Variants in AP1M1 observed in about 807,000 individuals in gnomAD.
AP1M1 encodes AP-1 complex subunit mu-1.
A neutral mutation model predicts 57.1 loss-of-function variants in AP1M1; 18 were observed. The ratio of observed to expected loss-of-function variants is 0.32; its 90% confidence interval spans 0.22 to 0.47. AP1M1 has a LOEUF of 0.47. Ranked by LOEUF, AP1M1 falls within the 20% of genes least tolerant of loss-of-function variation. The pLI, the probability that AP1M1 is intolerant of heterozygous loss-of-function variation, is 1.00. For synonymous variants in AP1M1, 241 were observed against 237.9 expected, an observed-to-expected ratio of 1.01 and a Z score of -0.12; for missense variants, 362 against 593.5, an observed-to-expected ratio of 0.61 and a Z score of 4.05.
intron 5 of AP1M1, among the ~76,000 whole-genome samples, chr19:16,224,696 T>A (rs1216900430): frequency 1.3e-5 from 2 of 152,090 alleles, no homozygotes; most frequent in Non-Finnish European, 2.9e-5. Context: ...CACGACCTCA[T>A]GTGTTCAGTT....
At position 16,245,758 on chromosome 19, in the gene AP1M1, T is replaced by G. The variant is rs1299554459; in HGVS notation, c.*11323T>G. 1 of 152,202 alleles carries G rather than the reference T, an allele frequency of 6.6e-6. No individual in the cohort carries two copies. The highest frequency in any genetic ancestry group is 1.5e-5 in the Non-Finnish European group (1 of 68,048). 9.4% of individuals were successfully genotyped at this position (152,202 alleles called of 1,614,324 possible). A position where few individuals can be genotyped will look rare whatever the true frequency, so the allele number is the denominator to read the frequency against. Reference sequence around the variant, plus strand: ...TCTACCGTCTTACTTTGTTTTCTATTTTTGTCCTTTCTATGTTCTCTTTTA... The same window carrying G: ...TCTACCGTCTTACTTTGTTTTCTATGTTTGTCCTTTCTATGTTCTCTTTTA... On this transcript the variant is annotated 3_prime_UTR_variant, in exon 12 of 12. Transcript: ENST00000291439.
At chr19:16,217,277 C>G (rs1368567337) in intron 5 of AP1M1, among the ~76,000 whole-genome samples, 1 of 151,996 alleles carries the variant, frequency 6.6e-6, no homozygotes, top group African/African-American at 2.4e-5. Flanking sequence ...TGCCAACACT[C>G]TGACAACAAC....
intron 1 of AP1M1, among the ~76,000 whole-genome samples, chr19:16,199,274 C>T (rs533139752): frequency 1.3e-5 from 2 of 152,154 alleles, no homozygotes; most frequent in African/African-American, 2.4e-5. Context: ...GGAGGGGTGA[C>T]AAATGGACCA....
Position 16,228,163 on chromosome 19 carries a change from G to T in AP1M1, c.843G>T (p.Ser281=). The part of the protein sequence containing the change: ...THVKPLIWIE[S]VIEKHSHSRI... ...TCAAGCCTTTGATATGGATCGAGTC[G>T]GTGATCGAGAAGCACTCCCACAGCC... The change falls in exon 8 of 12, where the codon TCG becomes TCT. Residue 281 remains serine (S), a synonymous_variant. Coordinates refer to ENST00000291439, the MANE Select transcript of AP1M1 (RefSeq NM_032493.4). This position sits in a 1 kb window ranked among gnomAD's most constrained non-coding sequence, Gnocchi z 5.0. 6.2e-7 allele frequency: 1 copy of T among 1,613,804 alleles called. No individual in the cohort carries two copies. Among genetic ancestry groups the T allele is most frequent in the Non-Finnish European group, 8.5e-7 (1 of 1,180,012 alleles).
At position 16,203,548 on chromosome 19, in the gene AP1M1, G is replaced by A; in HGVS notation, c.132G>A (p.Gly44=). The A allele has an allele frequency of 6.2e-7, 1 of 1,614,194 alleles. No individual in the cohort carries two copies. Among genetic ancestry groups the A allele is most frequent in the Non-Finnish European group, 8.5e-7 (1 of 1,180,006 alleles). ...TCCTGATGGAGAAGGAGGAGGAGGG[G>A]ATGCTGTCGCCCATCCTGGCCCACG... is the stretch of plus-strand genomic sequence containing the variant. ...MPILMEKEEE[G]MLSPILAHGG... Residue 44 remains glycine, a synonymous_variant, in exon 2 of 12, where the codon GGG becomes GGA. Transcript: ENST00000291439. The surrounding 1 kb of genome is among the most constrained non-coding windows in gnomAD (Gnocchi z 4.6).
chr19:16,198,112 G>C (rs770422178), intron 1 of AP1M1, 44 bp downstream of exon 1: 119 of 1,587,860 alleles, frequency 7.5e-5, no homozygotes, highest in Non-Finnish European at 9.8e-5. Context: ...GCAACCGGCA[G>C]GGGCCTCCGC....
At chr19:16,219,360 G>T (rs1305255510) in intron 5 of AP1M1, among the ~76,000 whole-genome samples, 1 of 151,596 alleles carries the variant, frequency 6.6e-6, no homozygotes, top group East Asian at 1.9e-4. Flanking sequence ...TTAGGGCTGG[G>T]ACCCAGGTCC....
At chr19:16,204,955 C>A (rs1053449324) in intron 2 of AP1M1, among the ~76,000 whole-genome samples, 1 of 151,224 alleles carries the variant, frequency 6.6e-6, no homozygotes, top group Non-Finnish European at 1.5e-5. Context: ...CTCAGCCTCC[C>A]GAGTAGCTGG....
At chr19:16,205,898 C>G (rs2091467450) in intron 2 of AP1M1, among the ~76,000 whole-genome samples, 2 of 152,162 alleles carry the variant, frequency 1.3e-5, no homozygotes, top group African/African-American at 2.4e-5. Flanking sequence ...GGGCTGAAGC[C>G]AGAATTGGCC....
chr19:16,234,372 G>A, intron 11 of AP1M1, 41 bp from the exon 12 acceptor site: 1 of 1,613,938 alleles, frequency 6.2e-7, no homozygotes, highest in Non-Finnish European at 8.5e-7. Flanking sequence ...AAAGCAGGGA[G>A]GGTGCAGAGC....
rs893442213 is a variant in AP1M1 at position 16,235,596 on chromosome 19, C to G, written c.*1161C>G. 8 of 152,508 alleles carry G rather than the reference C, an allele frequency of 5.2e-5. No homozygotes were observed. The highest frequency in any genetic ancestry group is 2.6e-4 in the Admixed American group (4 of 15,300). The allele number at this position is 152,508 out of a possible 1,614,324, so 9.4% of individuals were successfully genotyped here. ...TCTCTCATCCAATCTGCTGCACCCT[C>G]AGATGGCCAACAGCTTGTCCCCACC... On this transcript the variant is annotated 3_prime_UTR_variant, in exon 12 of 12. Transcript: ENST00000291439.
intron 5 of AP1M1, among the ~76,000 whole-genome samples, chr19:16,222,105 G>A (rs1433822816): frequency 6.6e-6 from 1 of 151,772 alleles, no homozygotes; most frequent in East Asian, 1.9e-4. Flanking sequence ...TCTTCTCTCT[G>A]TTAGATTGGA....
chr19:16,224,878 G>A (rs931940861), intron 5 of AP1M1, among the ~76,000 whole-genome samples: 2 of 152,108 alleles, frequency 1.3e-5, no homozygotes, highest in African/African-American at 2.4e-5. Flanking sequence ...CTGAGCCTCC[G>A]CTTGCCCACT....
intron 5 of AP1M1, among the ~76,000 whole-genome samples, chr19:16,225,499 A>G (rs1004060699): frequency 3.9e-5 from 6 of 152,200 alleles, no homozygotes; most frequent in South Asian, 2.1e-4. Flanking sequence ...AAATGGATGC[A>G]AGAAGAGATG....
Position 16,227,455 on chromosome 19 carries a change from T to C in AP1M1, c.674-93T>C. 6.8e-7 allele frequency: 1 copy of C among 1,468,028 alleles called. No homozygotes were observed. Among genetic ancestry groups the C allele is most frequent in the Non-Finnish European group, 9.4e-7 (1 of 1,066,842 alleles). The allele number at this position is 1,468,028 out of a possible 1,614,324, so 90.9% of individuals were successfully genotyped here. ...CTCTCAGTGCGTGGACTGGGGGCCC[T>C]GCTCTGCCGGGGTGGGTTGCAGGTG... On this transcript the variant is annotated intron_variant, in intron 6 of 11. Transcript: ENST00000291439. This position sits in a 1 kb window ranked among gnomAD's most constrained non-coding sequence, Gnocchi z 6.2.
Position 16,210,318 on chromosome 19 carries a change from G to A in AP1M1, c.546+1141G>A, listed in dbSNP as rs569735517. On this transcript the variant is annotated intron_variant, in intron 5 of 11. Coordinates refer to ENST00000291439, the MANE Select transcript of AP1M1 (RefSeq NM_032493.4). ...TCAATAGAGTTGCTAGAAACATGTC[G>A]TGTCCAGGTTTATGTGTGGACATAA... 5.4e-5 allele frequency: 38 copies of A among 703,810 alleles called. 1 individual carries two copies. The highest frequency in any genetic ancestry group is 4.1e-4 in the South Asian group (27 of 65,876). The allele number at this position is 703,810 out of a possible 1,614,324, so 43.6% of individuals were successfully genotyped here.
chr19:16,219,398 G>GTTTTTTT (rs71178659), intron 5 of AP1M1, among the ~76,000 whole-genome samples: 2 of 21,476 alleles, frequency 9.3e-5, no homozygotes, highest in Non-Finnish European at 5.0e-4. Context: ...TTGTTTTTTT[G>GTTTTTTT]TTTTTTTTTT....
At chr19:16,209,310 C>A in intron 5 of AP1M1, 133 bp downstream of exon 5, 2 of 1,002,994 alleles carry the variant, frequency 2.0e-6, no homozygotes, top group Non-Finnish European at 2.9e-6. Context: ...CAGTTTGGGC[C>A]ACTCATTGAA....
chr19:16,221,812 G>A (rs1478680933), intron 5 of AP1M1, among the ~76,000 whole-genome samples: 8 of 151,986 alleles, frequency 5.3e-5, no homozygotes, highest in African/African-American at 7.3e-5. Flanking sequence ...TCAGCCTCCC[G>A]AGTAGCTGGG....
Sources: allele counts gnomAD v4.1 joint callset (sites outside exome capture counted in the v4.1 genomes callset), GRCh38; gene constraint gnomAD v4.1.1; non-coding constraint Gnocchi (gnomAD v3.1); transcripts MANE v1.5; gene names NCBI Gene and HGNC (gene_info 2026-07-23, HGNC 2026-07-21).